PCDHA7: variants seen among roughly 807,000 people sequenced by gnomAD.
PCDHA7 encodes protocadherin alpha-7.
Under a neutral mutation model 57.2 loss-of-function variants are expected in PCDHA7, and 37 were observed. That is an observed-to-expected ratio of 0.65 (90% CI 0.50 to 0.85). The LOEUF is 0.85. PCDHA7 is among the 40% of genes least tolerant of loss of function. The pLI is 0.00. For missense variants in PCDHA7, 1,188 were observed against 1,241.8 expected, an observed-to-expected ratio of 0.96 and a Z score of 0.65; for synonymous variants, 553 against 558.8, an observed-to-expected ratio of 0.99 and a Z score of 0.15.
At chr5:141,005,718 A>T (rs1554260304) in intron 3 of PCDHA7, among the ~76,000 whole-genome samples, 1 of 149,548 alleles carries the variant, frequency 6.7e-6, no homozygotes, top group Non-Finnish European at 1.5e-5. Context: ...AAAAAAAAAA[A>T]AAAAAAAAAA....
At chr5:140,898,133 G>T (rs2153459320) in intron 1 of PCDHA7, among the ~76,000 whole-genome samples, 1 of 152,202 alleles carries the variant, frequency 6.6e-6, no homozygotes, top group African/African-American at 2.4e-5. Flanking sequence ...CTCCCATTTT[G>T]TAGGTTGCCT....
At chr5:140,903,608 C>G (rs2070424862) in intron 1 of PCDHA7, among the ~76,000 whole-genome samples, 1 of 152,124 alleles carries the variant, frequency 6.6e-6, no homozygotes, top group African/African-American at 2.4e-5. Flanking sequence ...GCTTAATACA[C>G]ATGAATGTGC....
chr5:140,983,334 T>A (rs1314550664), intron 3 of PCDHA7, among the ~76,000 whole-genome samples: 1 of 152,234 alleles, frequency 6.6e-6, no homozygotes, highest in African/African-American at 2.4e-5. Context: ...GCCCTATCAC[T>A]AAAGCAGGGT....
intron 1 of PCDHA7, chr5:140,966,378 G>A: frequency 2.5e-6 from 1 of 405,124 alleles, no homozygotes; most frequent in African/African-American, 2.1e-5. Flanking sequence ...AGCAGTCCGG[G>A]TTCGCTGTCC....
At chr5:140,948,371 T>G (rs1310252601) in intron 1 of PCDHA7, among the ~76,000 whole-genome samples, 1 of 151,586 alleles carries the variant, frequency 6.6e-6, no homozygotes, top group Non-Finnish European at 1.5e-5. Flanking sequence ...TTAGGAGGTG[T>G]TCCTTCCTCT....
At chr5:140,927,089 TC>T in intron 1 of PCDHA7, 1 of 1,612,460 alleles carries the variant, frequency 6.2e-7, no homozygotes, top group Non-Finnish European at 8.5e-7. Context: ...GAGCTCTACT[TC>T]GGGGTGGATC....
At chr5:140,976,585 C>A (rs1415996919) in intron 1 of PCDHA7, among the ~76,000 whole-genome samples, 1 of 152,064 alleles carries the variant, frequency 6.6e-6, no homozygotes, top group African/African-American at 2.4e-5. Flanking sequence ...AAAACACAGA[C>A]TTTTGTGTTA....
At chr5:140,868,967 A>C (rs2050769969) in intron 1 of PCDHA7, 2 of 1,435,752 alleles carry the variant, frequency 1.4e-6, no homozygotes, top group South Asian at 1.4e-5. Flanking sequence ...ATACAAAGGA[A>C]CTCCATCATA....
At chr5:140,918,595 A>T (rs2078770795) in intron 1 of PCDHA7, among the ~76,000 whole-genome samples, 1 of 152,228 alleles carries the variant, frequency 6.6e-6, no homozygotes, top group Non-Finnish European at 1.5e-5. Context: ...TGTTCTATAG[A>T]TGTTGCTATG....
chr5:140,882,116 GTTTC>G (rs1420968771), intron 1 of PCDHA7: 4 of 1,427,956 alleles, frequency 2.8e-6, no homozygotes, highest in South Asian at 1.4e-5. Flanking sequence ...GAAAGCCGCC[GTTTC>G]TTTCTTCCTG....
chr5:141,000,972 CT>C (rs2097980392), intron 3 of PCDHA7, among the ~76,000 whole-genome samples: 1 of 151,780 alleles, frequency 6.6e-6, no homozygotes, highest in Non-Finnish European at 1.5e-5. Context: ...CTTCATATTC[CT>C]TTTTTATAAA....
At chr5:140,870,461 C>T (rs1554164294) in intron 1 of PCDHA7, 1 of 1,614,246 alleles carries the variant, frequency 6.2e-7, no homozygotes, top group Non-Finnish European at 8.5e-7. Context: ...AATGCGCCTG[C>T]GTTCGCACAG....
At position 140,858,014 on chromosome 5, in the gene PCDHA7, C is replaced by T. The variant is rs782738271; in HGVS notation, c.2355+21276C>T. 5 of 1,596,754 alleles carry T rather than the reference C, an allele frequency of 3.1e-6. No homozygotes were observed. Among genetic ancestry groups the T allele is most frequent in the African/African-American group, 1.3e-5 (1 of 74,296 alleles). ...GGTGCTGGTGAAGGACCATGGCGAG[C>T]CGTCGCTGACGGCCACGGCCACTGT... On this transcript the variant is annotated intron_variant, in intron 1 of 3. Coordinates refer to ENST00000525929, the MANE Select transcript of PCDHA7 (RefSeq NM_018910.3).
Position 140,877,874 on chromosome 5 carries a change from C to T in PCDHA7, c.2355+41136C>T, listed in dbSNP as rs782471585. The T allele has an allele frequency of 2.7e-6, 4 of 1,477,338 alleles. No homozygotes were observed. The African/African-American group carries it at 5.7e-5, about 21-fold the overall frequency. The allele number at this position is 1,477,338 out of a possible 1,614,324, so 91.5% of individuals were successfully genotyped here. ...TAATATTATTTAGATATATTTGTTT[C>T]CTTGAAGAACTTCCGTTTAGGTTAT... is the stretch of plus-strand genomic sequence containing the variant. On this transcript the variant is annotated intron_variant, in intron 1 of 3. Transcript: ENST00000525929.
chr5:140,912,497 T>A (rs2075943539), intron 1 of PCDHA7, among the ~76,000 whole-genome samples: 1 of 152,174 alleles, frequency 6.6e-6, no homozygotes. Context: ...ATCTAGGAGC[T>A]TTTTGGATGA....
At chr5:140,876,883 G>A in intron 1 of PCDHA7, 2 of 1,614,132 alleles carry the variant, frequency 1.2e-6, no homozygotes, top group Non-Finnish European at 1.7e-6. Context: ...CAACCCGCCG[G>A]GCTGCCACAT....
intron 1 of PCDHA7, among the ~76,000 whole-genome samples, chr5:140,914,744 T>C (rs989394283): frequency 6.6e-6 from 1 of 152,280 alleles, no homozygotes; most frequent in Non-Finnish European, 1.5e-5. Context: ...TGTATGTTTT[T>C]CCATTTGAGG....
In PCDHA7 at chr5:140,999,156, C is replaced by T. The variant is rs533302480; in HGVS notation, c.2504-10471C>T. On this transcript the variant is annotated intron_variant, in intron 3 of 3. Transcript: ENST00000525929. ...GTCACAGCCGGAAGTCTTCAGTCCCCTAGAAGGAAAAGAGCCTGATGGGGA... is the reference window on the plus strand; with the variant it reads ...GTCACAGCCGGAAGTCTTCAGTCCCTTAGAAGGAAAAGAGCCTGATGGGGA... 4.6e-5 allele frequency among the ~76,000 whole-genome samples: 7 copies of T among 152,280 alleles called. No individual in the cohort carries two copies. In the East Asian group the frequency reaches 1.4e-3, roughly 29 times the overall value.
chr5:140,891,056 T>C (rs2062933451), intron 1 of PCDHA7, among the ~76,000 whole-genome samples: 1 of 152,196 alleles, frequency 6.6e-6, no homozygotes, highest in Non-Finnish European at 1.5e-5. Context: ...CAGCACATAG[T>C]AAATATTATT....
Sources: gnomAD v4.1 joint callset for allele counts (sites outside exome capture counted in the v4.1 genomes callset) on GRCh38, gnomAD v4.1.1 for gene constraint, MANE v1.5 for transcripts, NCBI Gene and HGNC (gene_info 2026-07-23, HGNC 2026-07-21) for gene names.